RHBDL3: variants seen among roughly 807,000 people sequenced by gnomAD.
RHBDL3 encodes rhomboid-related protein 3.
Under a neutral mutation model 48.2 loss-of-function variants are expected in RHBDL3, and 28 were observed. That is an observed-to-expected ratio of 0.58 (90% CI 0.43 to 0.80). The LOEUF is 0.80. Among genes scored for constraint, RHBDL3 ranks in the 30% least tolerant of loss-of-function variants. The probability of loss-of-function intolerance (pLI) is 0.00; values close to 1 mark genes in which losing one functional copy is unlikely to be tolerated. For synonymous variants in RHBDL3, 208 were observed against 232.3 expected (o/e 0.90, Z 0.95); for missense variants, 464 against 542.7 (o/e 0.85, Z 1.44).
Position 32,265,889 on chromosome 17 carries a change from C to T in RHBDL3, c.-301C>T, listed in dbSNP as rs2039616411. Reference sequence around the variant, plus strand: ...GCGCGGGGAGCGGCGGGGCCGGGGCCGGCCCAAGGGCGCCCTCGCCTCGGA... The same window carrying T: ...GCGCGGGGAGCGGCGGGGCCGGGGCTGGCCCAAGGGCGCCCTCGCCTCGGA... On this transcript the variant is annotated 5_prime_UTR_variant, in exon 1 of 9. Transcript: ENST00000269051. Among the ~76,000 whole-genome samples, 1 of 146,814 alleles carries T rather than the reference C, an allele frequency of 6.8e-6. No homozygotes were observed. Among genetic ancestry groups the T allele is most frequent in the Admixed American group, 6.7e-5 (1 of 14,822 alleles).
At chr17:32,290,136 G>A (rs1374383985) in intron 4 of RHBDL3, among the ~76,000 whole-genome samples, 2 of 152,184 alleles carry the variant, frequency 1.3e-5, no homozygotes, top group Non-Finnish European at 2.9e-5. Context: ...TGGACAGAAC[G>A]GCTCCTCAGA....
intron 2 of RHBDL3, among the ~76,000 whole-genome samples, chr17:32,273,454 A>G (rs1274129710): frequency 1.3e-5 from 2 of 152,208 alleles, no homozygotes; most frequent in Non-Finnish European, 2.9e-5. Flanking sequence ...TGGTGCCTTG[A>G]GTAACCAAGG....
chr17:32,288,909 C>T lies in RHBDL3; in HGVS notation c.412C>T (p.His138Tyr). 2 of 1,614,254 alleles carry T rather than the reference C, an allele frequency of 1.2e-6. No individual in the cohort carries two copies. The highest frequency in any genetic ancestry group is 1.7e-6 in the Non-Finnish European group (2 of 1,180,054). The part of the protein sequence containing the change: ...GLSLSQRLIR[H>Y]VAYETLPREI... The stretch of plus-strand genomic sequence containing the variant: ...GAGCCTCTCGCAGCGACTTATCCGC[C>T]ATGTGGCCTATGAGACCCTGCCCCG... Residue 138 changes from histidine to tyrosine, a missense_variant, in exon 4 of 9, where the codon CAT (histidine) becomes TAT (tyrosine). Physicochemically the swap from His to Tyr is moderately conservative, Grantham distance 83. Transcript: ENST00000269051.
chr17:32,283,611 C>A (rs1161054012), intron 2 of RHBDL3, among the ~76,000 whole-genome samples: 1 of 152,116 alleles, frequency 6.6e-6, no homozygotes, highest in East Asian at 1.9e-4. Flanking sequence ...GCTTGAGCCA[C>A]TGCGCCTGGC....
intron 5 of RHBDL3, among the ~76,000 whole-genome samples, chr17:32,295,658 A>C (rs553302572): frequency 1.3e-5 from 2 of 152,330 alleles, no homozygotes; most frequent in South Asian, 4.1e-4. Flanking sequence ...GAATAGCCAA[A>C]GCCTCCTTGC....
At chr17:32,267,775 C>T in intron 1 of RHBDL3, 127 bp from the exon 2 acceptor site, 1 of 1,547,156 alleles carries the variant, frequency 6.5e-7, no homozygotes, top group East Asian at 2.3e-5. Context: ...TGAGCCTGGT[C>T]ATGACTCCTG....
At chr17:32,266,658 G>T (rs919612786) in intron 1 of RHBDL3, among the ~76,000 whole-genome samples, 1 of 152,178 alleles carries the variant, frequency 6.6e-6, no homozygotes, top group Admixed American at 6.5e-5. Flanking sequence ...TCACGCCCGC[G>T]ACCTGCGAGC....
At chr17:32,286,951 G>C (rs963917478) in intron 3 of RHBDL3, among the ~76,000 whole-genome samples, 1 of 152,212 alleles carries the variant, frequency 6.6e-6, no homozygotes, top group Middle Eastern at 3.2e-3. Flanking sequence ...ATGGACTGTG[G>C]AGTCAGGCAG....
chr17:32,302,493 G>A (rs1231703443), intron 6 of RHBDL3, among the ~76,000 whole-genome samples: 5 of 151,520 alleles, frequency 3.3e-5, no homozygotes, highest in Non-Finnish European at 7.4e-5. Context: ...AGTAGCTGGG[G>A]GGCTATATGC....
intron 7 of RHBDL3, among the ~76,000 whole-genome samples, chr17:32,305,735 G>A (rs539949863): frequency 2.0e-5 from 3 of 152,146 alleles, no homozygotes; most frequent in African/African-American, 4.8e-5. Context: ...TGGCTAACGC[G>A]GTGAAACCCC....
At position 32,321,302 on chromosome 17, in the gene RHBDL3, C is replaced by T. The variant is rs2041127141; in HGVS notation, c.*73C>T. ...AGGGAGCGCCTGCGAGGTTTCTTCT[C>T]ATCACCAGCTCAGCTAGGCCGGGCA... On this transcript the variant is annotated 3_prime_UTR_variant, in exon 9 of 9. Coordinates refer to ENST00000269051, the MANE Select transcript of RHBDL3 (RefSeq NM_138328.3). 1 of 1,603,076 alleles carries T rather than the reference C, an allele frequency of 6.2e-7. No individual in the cohort carries two copies. Among genetic ancestry groups the T allele is most frequent in the Non-Finnish European group, 8.5e-7 (1 of 1,176,734 alleles).
chr17:32,281,190 A>C (rs2040033969), intron 2 of RHBDL3, among the ~76,000 whole-genome samples: 1 of 152,098 alleles, frequency 6.6e-6, no homozygotes, highest in Non-Finnish European at 1.5e-5. Context: ...TGCTTGGGGC[A>C]GGGCAGGCAG....
chr17:32,298,913 G>A (rs1233219812), intron 6 of RHBDL3, among the ~76,000 whole-genome samples: 2 of 152,194 alleles, frequency 1.3e-5, no homozygotes, highest in African/African-American at 4.8e-5. Flanking sequence ...TCCACCTTCT[G>A]CCCCCTCCCC....
intron 2 of RHBDL3, 147 bp downstream of exon 2, chr17:32,268,072 C>G (rs566299382): frequency 2.7e-6 from 2 of 730,682 alleles, no homozygotes; most frequent in Non-Finnish European, 5.0e-6. Flanking sequence ...TAGGGCTGAA[C>G]GACACTGCTC....
At chr17:32,290,907 A>T (rs1047722614) in intron 4 of RHBDL3, among the ~76,000 whole-genome samples, 23 of 151,706 alleles carry the variant, frequency 1.5e-4, no homozygotes, top group African/African-American at 5.6e-4. Flanking sequence ...AGGCTGTGGC[A>T]AGAGGATCGC....
At chr17:32,271,454 G>T (rs144125936) in intron 2 of RHBDL3, among the ~76,000 whole-genome samples, 1 of 152,066 alleles carries the variant, frequency 6.6e-6, no homozygotes, top group East Asian at 1.9e-4. Flanking sequence ...CCCTTTTTCG[G>T]GTTATGCTTT....
chr17:32,318,163 C>T (rs1159127394), intron 8 of RHBDL3, among the ~76,000 whole-genome samples: 4 of 151,578 alleles, frequency 2.6e-5, no homozygotes, highest in Non-Finnish European at 5.9e-5. Flanking sequence ...CCAGCCTGGG[C>T]GACAGAGCAA....
intron 2 of RHBDL3, among the ~76,000 whole-genome samples, chr17:32,277,250 C>T (rs1204474865): frequency 1.3e-5 from 2 of 152,228 alleles, no homozygotes; most frequent in African/African-American, 2.4e-5. Flanking sequence ...GAGGGTCCTC[C>T]TGGGAGAGAG....
intron 4 of RHBDL3, among the ~76,000 whole-genome samples, chr17:32,291,878 TCTC>T (rs2040339361): frequency 6.6e-6 from 1 of 150,866 alleles, no homozygotes; most frequent in African/African-American, 2.4e-5. Flanking sequence ...TTCAAGCAAT[TCTC>T]CTGCCTCAGC....
Sources: gnomAD v4.1 joint callset for allele counts (sites outside exome capture counted in the v4.1 genomes callset) on GRCh38, gnomAD v4.1.1 for gene constraint, MANE v1.5 for transcripts, NCBI Gene and HGNC (gene_info 2026-07-23, HGNC 2026-07-21) for gene names.